The following GNB1 variants were observed in gnomAD, a reference collection of about 807,000 sequenced individuals.
GNB1 encodes G protein subunit beta 1.
Under a neutral mutation model 42.9 loss-of-function variants are expected in GNB1, and 2 were observed. The ratio of observed to expected loss-of-function variants is 0.05; its 90% CI spans 0.02 to 0.15. GNB1 has a LOEUF of 0.15. GNB1 is among the 10% of genes least tolerant of loss of function. GNB1 has a pLI of 1.00. For missense variants in GNB1, 193 were observed against 462.2 expected, an observed-to-expected ratio of 0.42 and a Z score of 5.34; for synonymous variants, 183 against 174.7, an observed-to-expected ratio of 1.05 and a Z score of -0.38.
chr1:1,806,263 A>G (rs1646694149), intron 6 of GNB1, among the ~76,000 whole-genome samples: 1 of 152,222 alleles, frequency 6.6e-6, no homozygotes, highest in Non-Finnish European at 1.5e-5. Flanking sequence ...GACGGACAAC[A>G]GCACAACTGT....
At position 1,818,661 on chromosome 1, in the gene GNB1, A is replaced by G. The variant is rs373314045; in HGVS notation, c.58-786T>C. 8.4e-3 allele frequency among the ~76,000 whole-genome samples: 1,275 copies of G among 152,166 alleles called. 22 individuals are homozygous for G. The highest frequency in any genetic ancestry group is 0.029 in the African/African-American group (1,224 of 41,528). ...GTGGATCACCTGAGGTCAGGAGTTC[A>G]AGACCAGCCTGGCCAACATGGTGAA... is the stretch of plus-strand genomic sequence containing the variant. On this transcript the variant is annotated intron_variant, in intron 3 of 11. Transcript: ENST00000378609.
intron 1 of GNB1, among the ~76,000 whole-genome samples, chr1:1,870,388 C>T (rs1234395786): frequency 6.6e-6 from 1 of 152,186 alleles, no homozygotes; most frequent in Non-Finnish European, 1.5e-5. Flanking sequence ...TGTGCCCAGG[C>T]TGGTCTAAAA....
At chr1:1,865,383 G>A (rs890382886) in intron 1 of GNB1, among the ~76,000 whole-genome samples, 26 of 150,004 alleles carry the variant, frequency 1.7e-4, no homozygotes, top group South Asian at 1.1e-3. Context: ...TCAGGAGATC[G>A]AGACCATCCT....
intron 3 of GNB1, among the ~76,000 whole-genome samples, chr1:1,821,641 C>T (rs937134839): frequency 6.6e-6 from 1 of 152,180 alleles, no homozygotes; most frequent in Non-Finnish European, 1.5e-5. Context: ...ACTAACACAG[C>T]GCGGTTCCTG....
chr1:1,807,769 G>A (rs1472864553), intron 5 of GNB1, among the ~76,000 whole-genome samples: 6 of 151,202 alleles, frequency 4.0e-5, no homozygotes, highest in African/African-American at 1.2e-4. Context: ...GTGCAGTGGC[G>A]CCATCTCGGC....
chr1:1,890,123 C>CG (rs1212924267), intron 1 of GNB1, among the ~76,000 whole-genome samples: 8 of 152,150 alleles, frequency 5.3e-5, no homozygotes, highest in African/African-American at 1.4e-4. Flanking sequence ...TCGACACGCG[C>CG]GGGGCGCCAG....
At chr1:1,833,502 C>T (rs933585100) in intron 2 of GNB1, among the ~76,000 whole-genome samples, 3 of 152,156 alleles carry the variant, frequency 2.0e-5, no homozygotes, top group Admixed American at 1.3e-4. Context: ...AACGCAGCTG[C>T]AGAGCAACGC....
At position 1,826,607 on chromosome 1, in the gene GNB1, G is replaced by C. The variant is rs141618905; in HGVS notation, c.-46-1108C>G. 4.3e-3 allele frequency among the ~76,000 whole-genome samples: 652 copies of C among 152,076 alleles called. 3 individuals are homozygous for C. The highest frequency in any genetic ancestry group is 0.017 in the Middle Eastern group (5 of 294). The stretch of plus-strand genomic sequence containing the variant: ...TCACACAGCAATCCTGAGCACACAG[G>C]GTGTGTCCAGCAGTTTTTTGGCTCA... On this transcript the variant is annotated intron_variant, in intron 2 of 11. Coordinates refer to ENST00000378609, the MANE Select transcript of GNB1 (RefSeq NM_002074.5).
intron 1 of GNB1, among the ~76,000 whole-genome samples, chr1:1,890,065 G>A (rs932688560): frequency 1.5e-4 from 23 of 152,112 alleles, no homozygotes; most frequent in African/African-American, 5.3e-4. Context: ...CGCGGCCACC[G>A]GGCCCATTCA....
At chr1:1,863,436 G>T (rs1054125231) in intron 1 of GNB1, among the ~76,000 whole-genome samples, 1 of 152,174 alleles carries the variant, frequency 6.6e-6, no homozygotes, top group African/African-American at 2.4e-5. Context: ...TGCCCACTGT[G>T]GCTGCTGCCA....
chr1:1,887,803 C>A (rs1321979535), intron 1 of GNB1, among the ~76,000 whole-genome samples: 1 of 152,100 alleles, frequency 6.6e-6, no homozygotes, highest in South Asian at 2.1e-4. Flanking sequence ...TTAGTAGATA[C>A]GAGGTTTCGC....
At chr1:1,840,388 CGT>C (rs898209997) in intron 1 of GNB1, among the ~76,000 whole-genome samples, 1 of 152,076 alleles carries the variant, frequency 6.6e-6, no homozygotes, top group African/African-American at 2.4e-5. Flanking sequence ...ATTCGCCGAG[CGT>C]AGTGGCAGGC....
At chr1:1,855,055 A>G (rs1286756278) in intron 1 of GNB1, among the ~76,000 whole-genome samples, 1 of 152,000 alleles carries the variant, frequency 6.6e-6, no homozygotes, top group Non-Finnish European at 1.5e-5. Flanking sequence ...GCTACTTGGG[A>G]GGCTGAGGCA....
At chr1:1,813,694 T>C (rs1405581148) in intron 5 of GNB1, among the ~76,000 whole-genome samples, 1 of 152,114 alleles carries the variant, frequency 6.6e-6, no homozygotes, top group East Asian at 1.9e-4. Context: ...TCTCGCCATG[T>C]GACCTAGGCT....
chr1:1,852,606 G>A (rs1420961936), intron 1 of GNB1, among the ~76,000 whole-genome samples: 2 of 151,808 alleles, frequency 1.3e-5, no homozygotes, highest in Admixed American at 6.6e-5. Flanking sequence ...AAGACAGGAG[G>A]ACTGGTTGAG....
intron 2 of GNB1, among the ~76,000 whole-genome samples, chr1:1,831,946 C>T (rs1647081642): frequency 6.6e-6 from 1 of 150,636 alleles, no homozygotes; most frequent in Non-Finnish European, 1.5e-5. Flanking sequence ...CCTGTAGTCC[C>T]AGCTACTTGG....
intron 1 of GNB1, among the ~76,000 whole-genome samples, chr1:1,850,436 A>G (rs1241941840): frequency 6.6e-6 from 1 of 151,392 alleles, no homozygotes; most frequent in Non-Finnish European, 1.5e-5. Context: ...CCCAGCCTAA[A>G]TGCTATTTTT....
rs60170253 is a variant in GNB1, at chr1:1,792,229, T to C, written c.497+1016A>G. On this transcript the variant is annotated intron_variant, in intron 8 of 11. Transcript: ENST00000378609. Reference sequence around the variant, plus strand: ...TAAAAATGAAGTCTGATGGAATCACTTGAATTGTGACGTCTGTTATTTTTA... The same window carrying C: ...TAAAAATGAAGTCTGATGGAATCACCTGAATTGTGACGTCTGTTATTTTTA... Among the ~76,000 whole-genome samples, 140 of 152,340 alleles carry C rather than the reference T, an allele frequency of 9.2e-4. 1 individual carries two copies. Among genetic ancestry groups the C allele is most frequent in the African/African-American group, 3.3e-3 (138 of 41,562 alleles).
chr1:1,863,373 G>C (rs185749611), intron 1 of GNB1, among the ~76,000 whole-genome samples: 179 of 152,254 alleles, frequency 1.2e-3, no homozygotes, highest in African/African-American at 4.2e-3. Context: ...ACTGATTTTA[G>C]AGCCTCATCT....
Sources: allele counts gnomAD v4.1 joint callset (sites outside exome capture counted in the v4.1 genomes callset), GRCh38; gene constraint gnomAD v4.1.1; transcripts MANE v1.5; gene names NCBI Gene and HGNC (gene_info 2026-07-23, HGNC 2026-07-21).